ZBTB7C: variants seen among roughly 807,000 people sequenced by gnomAD.
The protein encoded by ZBTB7C is zinc finger and BTB domain containing 7C.
Under a neutral mutation model 25.7 loss-of-function variants are expected in ZBTB7C, and 8 were observed. That is an observed-to-expected ratio of 0.31 (90% CI 0.18 to 0.56). The LOEUF (loss-of-function observed/expected upper bound fraction) is 0.56. ZBTB7C is among the 20% of genes least tolerant of loss of function. The probability of loss-of-function intolerance (pLI) is 0.91; values close to 1 mark genes in which losing one functional copy is unlikely to be tolerated. For synonymous variants in ZBTB7C, 394 were observed against 369.0 expected (o/e 1.07, Z -0.78); for missense variants, 824 against 855.2 (o/e 0.96, Z 0.46).
At chr18:48,236,775 C>A (rs1192489908) in intron 2 of ZBTB7C, among the ~76,000 whole-genome samples, 2 of 152,182 alleles carry the variant, frequency 1.3e-5, no homozygotes, top group African/African-American at 4.8e-5. Flanking sequence ...ATCCTATTTT[C>A]TGACAGTTTC....
chr18:48,321,234 G>A (rs1182339772), intron 2 of ZBTB7C, among the ~76,000 whole-genome samples: 2 of 152,178 alleles, frequency 1.3e-5, no homozygotes, highest in East Asian at 3.9e-4. Context: ...TCTCCCTTGT[G>A]GGTGTGTCAT....
intron 3 of ZBTB7C, among the ~76,000 whole-genome samples, chr18:48,067,278 T>G (rs2037367912): frequency 6.6e-6 from 1 of 152,130 alleles, no homozygotes; most frequent in Non-Finnish European, 1.5e-5. Context: ...AATCTATGAG[T>G]CCATGATAAA....
At chr18:48,077,358 G>A (rs1351863754) in intron 3 of ZBTB7C, among the ~76,000 whole-genome samples, 1 of 152,076 alleles carries the variant, frequency 6.6e-6, no homozygotes, top group Non-Finnish European at 1.5e-5. Context: ...AGATGGGGGT[G>A]GTGCTTAAAA....
At chr18:48,291,322 G>A (rs2144687937) in intron 2 of ZBTB7C, among the ~76,000 whole-genome samples, 1 of 152,286 alleles carries the variant, frequency 6.6e-6, no homozygotes, top group South Asian at 2.1e-4. Flanking sequence ...TACCTCTGGG[G>A]ATATAAAAGG....
intron 3 of ZBTB7C, among the ~76,000 whole-genome samples, chr18:48,095,322 A>C (rs2038578242): frequency 6.6e-6 from 1 of 152,232 alleles, no homozygotes; most frequent in Non-Finnish European, 1.5e-5. Context: ...CCTTCAAGCC[A>C]GAAGTCTGGT....
chr18:48,256,453 G>T (rs1367158463), intron 2 of ZBTB7C, among the ~76,000 whole-genome samples: 1 of 126,526 alleles, frequency 7.9e-6, no homozygotes, highest in Admixed American at 8.6e-5. Context: ...GTAAAATAAA[G>T]ACTTTTTCAT....
chr18:48,354,187 TTTTG>T (rs891876529), intron 1 of ZBTB7C, among the ~76,000 whole-genome samples: 7 of 152,248 alleles, frequency 4.6e-5, no homozygotes, highest in East Asian at 1.9e-4. Flanking sequence ...GTTTTGTGGT[TTTTG>T]TTTGTTTGTT....
intron 3 of ZBTB7C, among the ~76,000 whole-genome samples, chr18:48,155,886 A>G (rs2040828578): frequency 6.6e-6 from 1 of 152,148 alleles, no homozygotes; most frequent in South Asian, 2.1e-4. Context: ...TGTGACTCTA[A>G]CCGGGTTGGA....
intron 2 of ZBTB7C, among the ~76,000 whole-genome samples, chr18:48,224,972 T>C (rs1048181618): frequency 1.3e-5 from 2 of 152,238 alleles, no homozygotes; most frequent in African/African-American, 4.8e-5. Context: ...CTTAAATTTA[T>C]CCACAGTAAA....
At chr18:48,176,470 A>G (rs1274194717) in intron 3 of ZBTB7C, among the ~76,000 whole-genome samples, 1 of 152,230 alleles carries the variant, frequency 6.6e-6, no homozygotes, top group Non-Finnish European at 1.5e-5. Flanking sequence ...CGGGATACAA[A>G]GAATAGATTA....
intron 2 of ZBTB7C, among the ~76,000 whole-genome samples, chr18:48,186,611 C>T (rs184020229): frequency 2.0e-5 from 3 of 152,290 alleles, no homozygotes; most frequent in East Asian, 1.9e-4. Flanking sequence ...TTAATGACAA[C>T]GCTAACCTGA....
At chr18:48,179,673 CTCCTTCCTTCCT>C (rs113058200) in intron 3 of ZBTB7C, among the ~76,000 whole-genome samples, 17 of 146,036 alleles carry the variant, frequency 1.2e-4, no homozygotes, top group African/African-American at 1.5e-4. Flanking sequence ...ATATTTCTCT[CTCCTTCCTTCCT>C]TCCTTCCTTC....
In ZBTB7C at chr18:48,040,875, T is replaced by C; in HGVS notation, c.233A>G (p.Asp78Gly). The C allele has an allele frequency of 6.2e-7, 1 of 1,614,076 alleles. No individual in the cohort carries two copies. Among genetic ancestry groups the C allele is most frequent in the Non-Finnish European group, 8.5e-7 (1 of 1,180,000 alleles). ...LASQPYVYEI[D>G]FVQPEALAAI... ...AGCCAGAGCCTCAGGCTGGACAAAG[T>C]CGATCTCATAGACGTAGGGCTGGCT... The change falls in exon 4 of 5, where the codon GAC (aspartate) becomes GGC (glycine). Residue 78 changes from aspartate to glycine, a missense_variant. This residue lies in a region of ZBTB7C where 117 missense variants were observed against 167.7 expected (regional missense o/e 0.70). Transcript: ENST00000590800.
At chr18:48,087,866 T>G (rs2038254092) in intron 3 of ZBTB7C, 1 of 148,626 alleles carries the variant, frequency 6.7e-6, no homozygotes, top group Non-Finnish European at 1.5e-5. Flanking sequence ...GGGGCATTTT[T>G]CCATATTTTT....
intron 1 of ZBTB7C, among the ~76,000 whole-genome samples, chr18:48,338,918 G>T (rs961246712): frequency 5.9e-5 from 9 of 151,926 alleles, no homozygotes; most frequent in African/African-American, 1.7e-4. Context: ...TGTTGGGGGG[G>T]GGGGGTCCAG....
At chr18:48,342,491 C>A (rs898573068) in intron 1 of ZBTB7C, among the ~76,000 whole-genome samples, 1 of 152,130 alleles carries the variant, frequency 6.6e-6, no homozygotes, top group Non-Finnish European at 1.5e-5. Context: ...AAACATCGCC[C>A]GAACCCCTCC....
At chr18:48,392,547 T>A (rs1163298473) in intron 1 of ZBTB7C, among the ~76,000 whole-genome samples, 1 of 152,186 alleles carries the variant, frequency 6.6e-6, no homozygotes, top group Admixed American at 6.5e-5. Context: ...TGAGCTCCAA[T>A]CCTTTCAGGA....
intron 2 of ZBTB7C, among the ~76,000 whole-genome samples, chr18:48,279,089 G>T (rs2044753528): frequency 6.6e-6 from 1 of 152,028 alleles, no homozygotes; most frequent in Non-Finnish European, 1.5e-5. Context: ...TACTTAGAAG[G>T]AAAAAGTCCA....
intron 2 of ZBTB7C, among the ~76,000 whole-genome samples, chr18:48,214,488 C>G (rs1279633795): frequency 6.6e-6 from 1 of 152,228 alleles, no homozygotes; most frequent in African/African-American, 2.4e-5. Context: ...GGTCACAAAG[C>G]CCCTGCTGAT....
Sources: allele counts gnomAD v4.1 joint callset (sites outside exome capture counted in the v4.1 genomes callset), GRCh38; gene constraint gnomAD v4.1.1; regional missense constraint gnomAD v4.1.1; transcripts MANE v1.5; gene names NCBI Gene and HGNC (gene_info 2026-07-23, HGNC 2026-07-21).